Variants in GALNT6 observed in about 807,000 individuals in gnomAD.
GALNT6 encodes the protein polypeptide N-acetylgalactosaminyltransferase 6, also known as GalNAc transferase 6.
In GALNT6, 51 loss-of-function variants were observed where a neutral mutation model predicts 65.9. That is an observed-to-expected ratio of 0.77 (90% confidence interval 0.62 to 0.98). GALNT6 has a LOEUF of 0.98. Ranked by LOEUF, GALNT6 falls within the 50% of genes least tolerant of loss-of-function variation. The pLI is 0.00. For missense variants in GALNT6, 708 were observed against 803.3 expected (o/e 0.88, Z 1.43); for synonymous variants, 323 against 315.1 (o/e 1.02, Z -0.26).
At chr12:51,356,223 A>T (rs1041065834) in intron 10 of GALNT6, among the ~76,000 whole-genome samples, 10 of 150,762 alleles carry the variant, frequency 6.6e-5, no homozygotes, top group African/African-American at 2.4e-4. Context: ...ATTCTTTTTT[A>T]TGAGATGGGG....
intron 4 of GALNT6, among the ~76,000 whole-genome samples, chr12:51,368,524 C>A (rs1312574498): frequency 6.6e-6 from 1 of 151,932 alleles, no homozygotes; most frequent in Non-Finnish European, 1.5e-5. Context: ...CCTGCTTCAG[C>A]CTCCCAAGTA....
intron 4 of GALNT6, among the ~76,000 whole-genome samples, chr12:51,366,578 C>T (rs953381391): frequency 1.3e-5 from 2 of 152,150 alleles, no homozygotes; most frequent in Non-Finnish European, 2.9e-5. Flanking sequence ...GCCGGCTTGA[C>T]CATTTGTCCT....
chr12:51,386,069 A>C (rs1187586782), intron 2 of GALNT6, among the ~76,000 whole-genome samples: 3 of 152,214 alleles, frequency 2.0e-5, no homozygotes, highest in Non-Finnish European at 4.4e-5. Flanking sequence ...GGCTTCACTA[A>C]ATGATGTTCT....
At chr12:51,383,809 C>T (rs1565735643) in intron 2 of GALNT6, among the ~76,000 whole-genome samples, 1 of 152,144 alleles carries the variant, frequency 6.6e-6, no homozygotes, top group Non-Finnish European at 1.5e-5. Flanking sequence ...AGAAGAGACA[C>T]AGAATCTAGT....
At chr12:51,360,090 A>G (rs1233295466) in intron 7 of GALNT6, 1 of 152,200 alleles carries the variant, frequency 6.6e-6, no homozygotes, top group Admixed American at 6.5e-5. Flanking sequence ...TCTACTTACT[A>G]ATTACTTTTC....
At chr12:51,385,584 A>C (rs1947807749) in intron 2 of GALNT6, among the ~76,000 whole-genome samples, 1 of 152,186 alleles carries the variant, frequency 6.6e-6, no homozygotes, top group Admixed American at 6.5e-5. Context: ...GAAGTTTGAA[A>C]GCCAGTGACA....
At chr12:51,365,023 GT>G (rs1301119653) in intron 5 of GALNT6, among the ~76,000 whole-genome samples, 1 of 152,146 alleles carries the variant, frequency 6.6e-6, no homozygotes, top group Non-Finnish European at 1.5e-5. Flanking sequence ...GTGGGGAAGT[GT>G]TTTGGTTTTG....
Position 51,354,237 on chromosome 12 carries a change from A to G in GALNT6, c.*142T>C, listed in dbSNP as rs757262040. The G allele has an allele frequency of 3.3e-5, 18 of 550,592 alleles. No homozygotes were observed. Among genetic ancestry groups the G allele is most frequent in the Non-Finnish European group, 4.1e-5 (13 of 313,622 alleles). 34.1% of individuals were successfully genotyped at this position (550,592 alleles called of 1,614,324 possible). ...TGGGCCCAATGTTGTTGCAAGGATT[A>G]GGAAGGTCCTGCCTTGCCACCCAGT... On this transcript the variant is annotated 3_prime_UTR_variant, in exon 12 of 12. Transcript: ENST00000356317.
Position 51,360,783 on chromosome 12 carries a change from T to A in GALNT6, c.1105A>T (p.Ile369Phe). ...TCCATCTGATTATCATAGGTACCGA[T>A]GTGCTCAAAGTAGGACTTGGAGATG... The part of the protein sequence containing the change: ...FSISKSYFEH[I>F]GTYDNQMEIW... Residue 369 changes from isoleucine to phenylalanine, a missense_variant, in exon 7 of 12, where the codon ATC becomes TTC. By Grantham distance (21) the Ile-to-Phe change is conservative. Coordinates refer to ENST00000356317, the MANE Select transcript of GALNT6 (RefSeq NM_007210.4). The A allele has an allele frequency of 6.2e-7, 1 of 1,613,708 alleles. No homozygotes were observed. The highest frequency in any genetic ancestry group is 8.5e-7 in the Non-Finnish European group (1 of 1,179,654).
At chr12:51,359,414 G>T in intron 7 of GALNT6, 82 bp from the exon 8 acceptor site, 1 of 944,708 alleles carries the variant, frequency 1.1e-6, no homozygotes, top group Non-Finnish European at 1.6e-6. Flanking sequence ...TCTATTCCCA[G>T]AGCACCAGAC....
At position 51,354,419 on chromosome 12, in the gene GALNT6, C is replaced by T; in HGVS notation, c.1829G>A (p.Cys610Tyr). The T allele has an allele frequency of 6.3e-7, 1 of 1,589,030 alleles. No individual in the cohort carries two copies. The highest frequency in any genetic ancestry group is 8.5e-7 in the Non-Finnish European group (1 of 1,170,518). The part of the protein sequence containing the change: ...SQDKKPAMAP[C>Y]NPSDPHQLWL... ...CAACTGATGGGGGTCACTGGGATTG[C>T]AGGGGGCCATGGCTGGCTTTTTGTC... The change falls in exon 12 of 12, where the codon TGC (cysteine) becomes TAC (tyrosine). Residue 610 changes from cysteine (C) to tyrosine (Y), a missense_variant. Coordinates refer to ENST00000356317, the MANE Select transcript of GALNT6 (RefSeq NM_007210.4).
intron 4 of GALNT6, among the ~76,000 whole-genome samples, chr12:51,371,734 C>G (rs1035625058): frequency 3.3e-5 from 5 of 152,130 alleles, no homozygotes; most frequent in Non-Finnish European, 7.3e-5. Flanking sequence ...CTCCCCAGCT[C>G]AGCACGCGGT....
intron 4 of GALNT6, among the ~76,000 whole-genome samples, chr12:51,374,542 G>T (rs1392674801): frequency 2.0e-5 from 3 of 152,118 alleles, no homozygotes; most frequent in Non-Finnish European, 2.9e-5. Context: ...GAGGGAGGCT[G>T]GGGGAGGACA....
At chr12:51,384,552 C>A (rs1947768786) in intron 2 of GALNT6, among the ~76,000 whole-genome samples, 1 of 151,984 alleles carries the variant, frequency 6.6e-6, no homozygotes, top group African/African-American at 2.4e-5. Flanking sequence ...ATTAGCCAGG[C>A]ATGGTGGCAT....
intron 5 of GALNT6, 55 bp from the exon 6 acceptor site, chr12:51,364,410 A>C: frequency 7.9e-7 from 1 of 1,260,758 alleles, no homozygotes; most frequent in Non-Finnish European, 1.2e-6. Flanking sequence ...GCAGAGCCCA[A>C]GCTGCATCCT....
At position 51,364,088 on chromosome 12, in the gene GALNT6, C is replaced by A. The variant is rs914355606; in HGVS notation, c.1049+33G>T. 3 of 1,475,470 alleles carry A rather than the reference C, an allele frequency of 2.0e-6. No homozygotes were observed. In the African/African-American group the frequency reaches 4.2e-5, roughly 20 times the overall value. 91.4% of individuals were successfully genotyped at this position (1,475,470 alleles called of 1,614,324 possible). On this transcript the variant is annotated intron_variant, in intron 6 of 11. Coordinates refer to ENST00000356317, the MANE Select transcript of GALNT6 (RefSeq NM_007210.4). ...TCCTGGAACTGGGTAGGACTGGGGC[C>A]AGGTTGGGGGCTCACCAGGCTGCGG...
At chr12:51,385,609 C>T (rs1947809726) in intron 2 of GALNT6, among the ~76,000 whole-genome samples, 1 of 152,128 alleles carries the variant, frequency 6.6e-6, no homozygotes, top group Non-Finnish European at 1.5e-5. Context: ...CCAAACCCCA[C>T]AGTTTATATT....
At chr12:51,364,434 A>G in intron 5 of GALNT6, 79 bp from the exon 6 acceptor site, 2 of 976,686 alleles carry the variant, frequency 2.0e-6, no homozygotes, top group Non-Finnish European at 1.6e-6. Context: ...GGGAATGCCC[A>G]GGAGGATAAG....
intron 2 of GALNT6, among the ~76,000 whole-genome samples, chr12:51,381,889 G>A (rs143810558): frequency 2.6e-3 from 389 of 152,324 alleles, no homozygotes; most frequent in African/African-American, 6.2e-3. Flanking sequence ...CCAAAGCCAC[G>A]TTCATTACTC....
Sources: gnomAD v4.1 joint callset for allele counts (sites outside exome capture counted in the v4.1 genomes callset) on GRCh38, gnomAD v4.1.1 for gene constraint, MANE v1.5 for transcripts, NCBI Gene and HGNC (gene_info 2026-07-23, HGNC 2026-07-21) for gene names.